The following CCDC144A variants were observed in gnomAD, a reference collection of about 807,000 sequenced individuals.
CCDC144A encodes coiled-coil domain containing 144A.
In CCDC144A, 41 loss-of-function variants were observed where a neutral mutation model predicts 143.8. The observed-to-expected ratio is 0.29, with a 90% CI of 0.22 to 0.37. The LOEUF (loss-of-function observed/expected upper bound fraction) is 0.37, where lower values mean the gene tolerates loss of function less well. Ranked by LOEUF, CCDC144A falls within the 10% of genes least tolerant of loss-of-function variation. The pLI, the probability that CCDC144A is intolerant of heterozygous loss-of-function variation, is 1.00. For missense variants in CCDC144A, 637 were observed against 1,488.8 expected, an observed-to-expected ratio of 0.43 and a Z score of 9.41; for synonymous variants, 242 against 517.9, an observed-to-expected ratio of 0.47 and a Z score of 7.23.
At chr17:16,704,499 T>C (rs1030739429) in intron 2 of CCDC144A, among the ~76,000 whole-genome samples, 3 of 151,978 alleles carry the variant, frequency 2.0e-5, no homozygotes, top group African/African-American at 7.2e-5. Context: ...ATTTTGTTTA[T>C]ATAGTAAAAA....
chr17:16,765,841 T>G (rs1282653469), intron 15 of CCDC144A: 1 of 152,276 alleles, frequency 6.6e-6, no homozygotes, highest in Non-Finnish European at 1.5e-5. Context: ...TACCACTGGG[T>G]ACTAATGGGA....
chr17:16,722,056 CA>C (rs2143187517), intron 8 of CCDC144A, among the ~76,000 whole-genome samples: 1 of 152,260 alleles, frequency 6.6e-6, no homozygotes, highest in Admixed American at 6.5e-5. Flanking sequence ...CATCATGACA[CA>C]TGTTAGTTGT....
At chr17:16,768,058 A>G (rs1915681853) in intron 15 of CCDC144A, among the ~76,000 whole-genome samples, 3 of 152,410 alleles carry the variant, frequency 2.0e-5, no homozygotes, top group South Asian at 2.1e-4. Flanking sequence ...CTTCTAAGCT[A>G]TATATCTACA....
At chr17:16,682,883 G>GTTTTTTTTTTTTTTTTTTTTT in the CCDC144A span, among the ~76,000 whole-genome samples, 4 of 46,456 alleles carry the variant, frequency 8.6e-5, no homozygotes, top group Non-Finnish European at 1.5e-4. Flanking sequence ...TGGATTCTCT[G>GTTTTTTTTTTTTTTTTTTTTT]TTTTTTTTTT....
At chr17:16,689,591 C>T (rs1001013587), upstream of CCDC144A, 1 of 152,384 alleles carries the variant, frequency 6.6e-6, no homozygotes, top group Non-Finnish European at 1.5e-5. Flanking sequence ...CCCGACCCGC[C>T]CGGGTCGCCA....
At chr17:16,696,175 C>A (rs1181639122) in intron 2 of CCDC144A, among the ~76,000 whole-genome samples, 1 of 152,116 alleles carries the variant, frequency 6.6e-6, no homozygotes, top group East Asian at 1.9e-4. Context: ...CCACCATGCC[C>A]AGCTGATTTT....
chr17:16,698,369 C>T (rs1023862264), intron 2 of CCDC144A, among the ~76,000 whole-genome samples: 13 of 151,956 alleles, frequency 8.6e-5, no homozygotes, highest in Non-Finnish European at 1.8e-4. Flanking sequence ...TTTTAAAAGC[C>T]TTCAGTGGCA....
chr17:16,716,855 C>A (rs1379229824), intron 6 of CCDC144A, among the ~76,000 whole-genome samples: 1 of 149,988 alleles, frequency 6.7e-6, no homozygotes, highest in African/African-American at 2.5e-5. Context: ...GCTCTGTCGC[C>A]CAGGCTGGAG....
chr17:16,673,250 C>T, the CCDC144A span, among the ~76,000 whole-genome samples: 1 of 151,800 alleles, frequency 6.6e-6, no homozygotes, highest in Admixed American at 6.6e-5. Flanking sequence ...TCTGCCCACA[C>T]CAAGCCAGGA....
upstream of CCDC144A, among the ~76,000 whole-genome samples, chr17:16,687,241 T>A (rs561884946): frequency 1.7e-4 from 26 of 152,274 alleles, no homozygotes; most frequent in African/African-American, 6.3e-4. Flanking sequence ...GAAAGACAGC[T>A]GCAAAATGCA....
At chr17:16,769,445 G>C (rs1188499176) in intron 15 of CCDC144A, among the ~76,000 whole-genome samples, 3 of 152,258 alleles carry the variant, frequency 2.0e-5, no homozygotes, top group Non-Finnish European at 1.5e-5. Flanking sequence ...TTGGACAGGC[G>C]TATGGTAGAT....
At chr17:16,757,595 A>G (rs1379891306) in intron 12 of CCDC144A, among the ~76,000 whole-genome samples, 1 of 152,216 alleles carries the variant, frequency 6.6e-6, no homozygotes, top group Non-Finnish European at 1.5e-5. Flanking sequence ...TCAGGCTCTC[A>G]TATGGCTCAC....
intron 12 of CCDC144A, among the ~76,000 whole-genome samples, chr17:16,736,155 C>A (rs1335032396): frequency 1.3e-5 from 2 of 150,116 alleles, no homozygotes; most frequent in African/African-American, 4.9e-5. Flanking sequence ...TATTTTTATT[C>A]ATATCAATTT....
At chr17:16,687,730 A>G (rs1479595341), upstream of CCDC144A, among the ~76,000 whole-genome samples, 2 of 152,294 alleles carry the variant, frequency 1.3e-5, no homozygotes, top group Non-Finnish European at 2.9e-5. Flanking sequence ...CTCGAGTGCC[A>G]TTTTGAGATG....
At chr17:16,709,959 TTTTTCCTTTTA>T (rs1912301777) in intron 5 of CCDC144A, 1 of 280,266 alleles carries the variant, frequency 3.6e-6, no homozygotes. Flanking sequence ...GCTTGAGGGC[TTTTTCCTTTTA>T]CCGACTTAAA....
chr17:16,704,449 C>T (rs182639372), intron 2 of CCDC144A, among the ~76,000 whole-genome samples: 18 of 151,656 alleles, frequency 1.2e-4, no homozygotes, highest in Admixed American at 1.2e-3. Context: ...AGCGAGACTC[C>T]GTCTCAAAAA....
intron 12 of CCDC144A, among the ~76,000 whole-genome samples, chr17:16,759,002 A>T (rs2143356783): frequency 6.6e-6 from 1 of 152,360 alleles, no homozygotes; most frequent in African/African-American, 2.4e-5. Context: ...AAGATCTTTA[A>T]GGGAATTTGA....
intron 12 of CCDC144A, among the ~76,000 whole-genome samples, chr17:16,759,791 G>A (rs996776401): frequency 1.3e-5 from 2 of 152,238 alleles, no homozygotes; most frequent in African/African-American, 4.8e-5. Context: ...CAATCTATAT[G>A]TAGTGTCAAT....
In CCDC144A at chr17:16,777,186, A is replaced by C. The variant is rs1265862022; in HGVS notation, c.*3553A>C. 1 of 136,918 alleles carries C rather than the reference A, an allele frequency of 7.3e-6. No individual in the cohort carries two copies. The highest frequency in any genetic ancestry group is 1.5e-5 in the Non-Finnish European group (1 of 64,714). 8.5% of individuals were successfully genotyped at this position (136,918 alleles called of 1,614,324 possible). ...CACAGTCCTAAATATATATGCACCT[A>C]ATACTGGAGATCCCAAATTTATAAA... On this transcript the variant is annotated 3_prime_UTR_variant, in exon 17 of 17. Transcript: ENST00000399273.
Sources: gnomAD v4.1 joint callset for allele counts (sites outside exome capture counted in the v4.1 genomes callset) on GRCh38, gnomAD v4.1.1 for gene constraint, MANE v1.5 for transcripts, NCBI Gene and HGNC (gene_info 2026-07-23, HGNC 2026-07-21) for gene names.